Variants in KIF18A observed in about 807,000 individuals in gnomAD.
KIF18A encodes kinesin family member 18A.
In KIF18A, 67 loss-of-function variants were observed where a neutral mutation model predicts 103.3. That is an observed-to-expected ratio of 0.65 (90% confidence interval 0.53 to 0.79). The LOEUF (loss-of-function observed/expected upper bound fraction) is 0.79. KIF18A is among the 30% of genes least tolerant of loss of function. The pLI is 0.00. For missense variants in KIF18A, 1,032 were observed against 1,062.5 expected (o/e 0.97, Z 0.40); for synonymous variants, 367 against 355.5 (o/e 1.03, Z -0.36).
Position 28,101,095 on chromosome 11 carries a change from G to C in KIF18A, c.-46-3102C>G, listed in dbSNP as rs759980781. ...TTCATCTTTTGAGTTTTTCTCAATG[G>C]GCTTATGACTAGCACTTTGGGTAGG... On this transcript the variant is annotated intron_variant, in intron 1 of 16. Coordinates refer to ENST00000263181, the MANE Select transcript of KIF18A (RefSeq NM_031217.4). 1.4e-4 allele frequency among the ~76,000 whole-genome samples: 21 copies of C among 152,078 alleles called. No homozygotes were observed. In the South Asian group the frequency reaches 2.1e-3, roughly 15 times the overall value.
At chr11:28,069,998 G>C (rs1235349842) in intron 10 of KIF18A, among the ~76,000 whole-genome samples, 1 of 152,110 alleles carries the variant, frequency 6.6e-6, no homozygotes, top group East Asian at 1.9e-4. Context: ...GTTTTACCTA[G>C]GCACAAATTG....
intron 10 of KIF18A, among the ~76,000 whole-genome samples, chr11:28,071,912 G>A (rs894022856): frequency 2.0e-5 from 3 of 152,114 alleles, no homozygotes; most frequent in Admixed American, 1.3e-4. Context: ...GGGACTCTTA[G>A]AAACCAGGGC....
chr11:28,023,203 G>A (rs954994806), intron 16 of KIF18A, among the ~76,000 whole-genome samples: 1 of 152,046 alleles, frequency 6.6e-6, no homozygotes. Flanking sequence ...TCCCATATGC[G>A]GTTGATGGAA....
intron 1 of KIF18A, among the ~76,000 whole-genome samples, chr11:28,102,264 C>T (rs1199969226): frequency 6.6e-6 from 1 of 152,142 alleles, no homozygotes; most frequent in Non-Finnish European, 1.5e-5. Flanking sequence ...AACTTGGTCT[C>T]CACAATTATT....
intron 2 of KIF18A, among the ~76,000 whole-genome samples, chr11:28,095,313 C>G (rs549622214): frequency 6.6e-6 from 1 of 152,366 alleles, no homozygotes; most frequent in South Asian, 2.1e-4. Flanking sequence ...CCTTTCTACT[C>G]TGCTGTCTTT....
chr11:28,104,356 C>T (rs987658478), intron 1 of KIF18A, among the ~76,000 whole-genome samples: 1 of 152,178 alleles, frequency 6.6e-6, no homozygotes, highest in Non-Finnish European at 1.5e-5. Flanking sequence ...CTACTGCTGT[C>T]TCCCCATTTC....
intron 1 of KIF18A, among the ~76,000 whole-genome samples, chr11:28,102,531 C>T (rs1851459044): frequency 6.6e-6 from 1 of 152,102 alleles, no homozygotes; most frequent in Admixed American, 6.5e-5. Context: ...GAGTCATGGG[C>T]CATGGTCACT....
At chr11:28,045,283 A>C (rs1850616755) in intron 13 of KIF18A, among the ~76,000 whole-genome samples, 1 of 152,052 alleles carries the variant, frequency 6.6e-6, no homozygotes, top group Non-Finnish European at 1.5e-5. Context: ...TCTACCTATA[A>C]GGACAATCAA....
intron 10 of KIF18A, among the ~76,000 whole-genome samples, chr11:28,075,310 A>G (rs1467544623): frequency 6.6e-6 from 1 of 152,198 alleles, no homozygotes; most frequent in East Asian, 1.9e-4. Flanking sequence ...CTGCAGATCA[A>G]ATCAGAACTC....
Position 28,065,588 on chromosome 11 carries a change from A to G in KIF18A, c.1591-3072T>C, listed in dbSNP as rs191122724. Among the ~76,000 whole-genome samples the G allele has an allele frequency of 8.6e-3, 1,303 of 152,158 alleles. 11 individuals are homozygous for G. The highest frequency in any genetic ancestry group is 0.015 in the Non-Finnish European group (996 of 67,958). On this transcript the variant is annotated intron_variant, in intron 11 of 16. Coordinates refer to ENST00000263181, the MANE Select transcript of KIF18A (RefSeq NM_031217.4). ...TCCAGACAATATTGATTAACTTCATAAACACTACTAAGTAGACAAAAAAGC... is the reference window on the plus strand; with the variant it reads ...TCCAGACAATATTGATTAACTTCATGAACACTACTAAGTAGACAAAAAAGC...
intron 13 of KIF18A, among the ~76,000 whole-genome samples, chr11:28,057,105 C>T (rs1850790580): frequency 6.6e-6 from 1 of 151,844 alleles, no homozygotes; most frequent in South Asian, 2.1e-4. Context: ...ACCAAGCAAA[C>T]AAAAAGCCCC....
chr11:28,084,743 T>G lies in KIF18A; in HGVS notation c.963A>C (p.Gly321=). ...KLTRLLKDSL[G]GNCQTIMIAA... is the part of the protein sequence containing the mutation. ...CTATCATTATAGTTTGACAGTTTCC[T>G]CCAAGAGAATCCTTTAACAAGCGAG... The change falls in exon 7 of 17, where the codon GGA becomes GGC. Residue 321 remains glycine, a synonymous_variant. Coordinates refer to ENST00000263181, the MANE Select transcript of KIF18A (RefSeq NM_031217.4). The G allele has an allele frequency of 6.2e-7, 1 of 1,612,802 alleles. No individual in the cohort carries two copies. Among genetic ancestry groups the G allele is most frequent in the Non-Finnish European group, 8.5e-7 (1 of 1,178,866 alleles).
At chr11:28,031,676 AT>A (rs1298554625) in intron 15 of KIF18A, among the ~76,000 whole-genome samples, 2 of 151,206 alleles carry the variant, frequency 1.3e-5, no homozygotes, top group Non-Finnish European at 3.0e-5. Flanking sequence ...AACTTAAAGC[AT>A]AAAAAAAAAA....
intron 15 of KIF18A, among the ~76,000 whole-genome samples, chr11:28,034,527 G>C (rs1259650476): frequency 6.6e-6 from 1 of 151,610 alleles, no homozygotes; most frequent in East Asian, 1.9e-4. Context: ...CAATTTTTCT[G>C]TGAAAGCCTC....
At chr11:28,093,924 G>T (rs965249164) in intron 3 of KIF18A, among the ~76,000 whole-genome samples, 5 of 152,196 alleles carry the variant, frequency 3.3e-5, no homozygotes, top group Admixed American at 1.3e-4. Context: ...ATGGTAAAAC[G>T]TATCTTCAAA....
At chr11:28,080,968 GA>G (rs1851158232) in intron 9 of KIF18A, among the ~76,000 whole-genome samples, 1 of 152,174 alleles carries the variant, frequency 6.6e-6, no homozygotes, top group South Asian at 2.1e-4. Flanking sequence ...CAATGGTCTG[GA>G]TAGATTAAAC....
chr11:28,045,448 T>A (rs982218927), intron 13 of KIF18A, among the ~76,000 whole-genome samples: 4 of 151,886 alleles, frequency 2.6e-5, no homozygotes, highest in African/African-American at 9.7e-5. Flanking sequence ...AAATTAGTTT[T>A]AAGAAATGTC....
chr11:28,058,679 A>G (rs1850816534), intron 13 of KIF18A, among the ~76,000 whole-genome samples: 1 of 148,536 alleles, frequency 6.7e-6, no homozygotes, highest in Non-Finnish European at 1.5e-5. Flanking sequence ...AAAAAAAAAA[A>G]AAAAAAAAAA....
At chr11:28,067,622 T>C (rs187986478) in intron 11 of KIF18A, among the ~76,000 whole-genome samples, 1 of 152,258 alleles carries the variant, frequency 6.6e-6, no homozygotes, top group East Asian at 1.9e-4. Context: ...TTGGTAAATA[T>C]TTCATATTTT....
Sources: gnomAD v4.1 joint callset for allele counts (sites outside exome capture counted in the v4.1 genomes callset) on GRCh38, gnomAD v4.1.1 for gene constraint, MANE v1.5 for transcripts, NCBI Gene and HGNC (gene_info 2026-07-23, HGNC 2026-07-21) for gene names.